DGKG: variants seen among roughly 807,000 people sequenced by gnomAD.
DGKG encodes DAG kinase gamma.
In DGKG, 78 loss-of-function variants were observed where a neutral mutation model predicts 105.3. The ratio of observed to expected loss-of-function variants is 0.74; its 90% CI spans 0.62 to 0.89. DGKG has a LOEUF of 0.89. DGKG is among the 40% of genes least tolerant of loss of function. DGKG has a pLI of 0.00. For synonymous variants in DGKG, 346 were observed against 367.1 expected (o/e 0.94, Z 0.66); for missense variants, 958 against 1,020.1 (o/e 0.94, Z 0.83).
intron 24 of DGKG, chr3:186,161,214 G>C: frequency 1.0e-6 from 1 of 993,572 alleles, no homozygotes; most frequent in Non-Finnish European, 1.2e-6. Flanking sequence ...TCCACGTAAG[G>C]AAGCAATTTG....
intron 22 of DGKG, among the ~76,000 whole-genome samples, chr3:186,177,021 C>CCT (rs1197805054): frequency 6.6e-6 from 1 of 152,174 alleles, no homozygotes; most frequent in African/African-American, 2.4e-5. Flanking sequence ...GTGGCAGTGT[C>CCT]CTCTGTCCAT....
chr3:186,255,247 C>T (rs1277120215), intron 17 of DGKG, among the ~76,000 whole-genome samples: 4 of 152,226 alleles, frequency 2.6e-5, no homozygotes, highest in Non-Finnish European at 5.9e-5. Flanking sequence ...GTGTTAGGTG[C>T]TCCGGCTCTG....
Position 186,240,132 on chromosome 3 carries a change from T to A in DGKG, c.1826+2372A>T, listed in dbSNP as rs76899826. On this transcript the variant is annotated intron_variant, in intron 20 of 24. Coordinates refer to ENST00000265022, the MANE Select transcript of DGKG (RefSeq NM_001346.3). ...ACTGAACATCTTGCTCTTCCACAAG[T>A]ATACTGCACCCTCTCACTCCTTCGT... Among the ~76,000 whole-genome samples, 190 of 152,316 alleles carry A rather than the reference T, an allele frequency of 1.2e-3. 1 individual carries two copies. Among genetic ancestry groups the A allele is most frequent in the Middle Eastern group, 3.4e-3 (1 of 294 alleles).
intron 20 of DGKG, among the ~76,000 whole-genome samples, chr3:186,221,624 A>T (rs1392408133): frequency 6.6e-6 from 1 of 152,252 alleles, no homozygotes. Context: ...GCATTTACAC[A>T]TCCATCAGCC....
Position 186,261,718 on chromosome 3 carries a change from C to A in DGKG, c.1330G>T (p.Gly444Ter). 2 of 1,607,708 alleles carry A rather than the reference C, an allele frequency of 1.2e-6. No individual in the cohort carries two copies. Residue 444 changes from glycine to a stop codon, truncating the protein, a stop_gained, in exon 15 of 25, where the codon GGA becomes TGA. Transcript: ENST00000265022. LOFTEE classifies it high-confidence loss of function. The part of the protein sequence containing the change: ...PLLVLVNPKS[G>*]GRQGERILRK... Reference sequence around the variant, plus strand: ...ACGTACCTTTCTCCTTGTCTCCCTCCACTCTTGGGGTTCACCAAGACCAGC... The same window carrying A: ...ACGTACCTTTCTCCTTGTCTCCCTCAACTCTTGGGGTTCACCAAGACCAGC...
chr3:186,258,082 T>A (rs1019059424), intron 16 of DGKG, 143 bp from the exon 17 acceptor site: 1 of 674,120 alleles, frequency 1.5e-6, no homozygotes, highest in Admixed American at 2.3e-5. Context: ...CACTCAATGT[T>A]CTGAAACCAG....
intron 1 of DGKG, among the ~76,000 whole-genome samples, chr3:186,348,110 T>C (rs1381278809): frequency 6.6e-6 from 1 of 152,194 alleles, no homozygotes; most frequent in Non-Finnish European, 1.5e-5. Context: ...TCTGAGTTTT[T>C]AGCCCCACAT....
chr3:186,152,067 A>G lies in DGKG; in HGVS notation c.2278-1879T>C, dbSNP rs578048814. Among the ~76,000 whole-genome samples, 10 of 151,990 alleles carry G rather than the reference A, an allele frequency of 6.6e-5. 1 individual carries two copies. The South Asian group carries it at 8.3e-4, about 13-fold the overall frequency. ...GCACTCCAGCCTGTGCGACAGAGAG[A>G]GACTCCATCTCAAAAAAATAAAATA... On this transcript the variant is annotated intron_variant, in intron 24 of 24. Coordinates refer to ENST00000265022, the MANE Select transcript of DGKG (RefSeq NM_001346.3).
intron 22 of DGKG, among the ~76,000 whole-genome samples, chr3:186,173,023 C>A (rs941039366): frequency 6.6e-6 from 1 of 152,228 alleles, no homozygotes; most frequent in Non-Finnish European, 1.5e-5. Context: ...CAGCTGGCTG[C>A]CCTCTGGCTG....
At chr3:186,228,239 C>G (rs1221170941) in intron 20 of DGKG, among the ~76,000 whole-genome samples, 1 of 152,164 alleles carries the variant, frequency 6.6e-6, no homozygotes, top group Admixed American at 6.5e-5. Flanking sequence ...CTGATGTGTA[C>G]TGACTCCTCC....
chr3:186,148,138 A>C lies in DGKG; in HGVS notation c.*1952T>G. The C allele has an allele frequency of 1.0e-6, 1 of 985,458 alleles. No homozygotes were observed. Among genetic ancestry groups the C allele is most frequent in the Non-Finnish European group, 1.2e-6 (1 of 829,956 alleles). 61.0% of individuals were successfully genotyped at this position (985,458 alleles called of 1,614,324 possible). A position where few individuals can be genotyped will look rare whatever the true frequency, so the allele number is the denominator to read the frequency against. ...TTCCACTGATAAATCTCAGAGAGGG[A>C]TGGAGGCCCAATGAAGCTCTGCATG... On this transcript the variant is annotated 3_prime_UTR_variant, in exon 25 of 25. Coordinates refer to ENST00000265022, the MANE Select transcript of DGKG (RefSeq NM_001346.3).
intron 22 of DGKG, among the ~76,000 whole-genome samples, chr3:186,167,925 T>C (rs1393640695): frequency 2.0e-5 from 3 of 152,152 alleles, no homozygotes; most frequent in Non-Finnish European, 4.4e-5. Flanking sequence ...GTGTAGAAAA[T>C]GCTGCAATTG....
rs1727211343 is a variant in DGKG, at chr3:186,361,129, A to G, written c.-249+817T>C. On this transcript the variant is annotated intron_variant, in intron 1 of 24. Transcript: ENST00000265022. The surrounding 1 kb of genome is among the most constrained non-coding windows in gnomAD (Gnocchi z 6.8). ...TCCCTCCCATCTGGGAGGTGGTTCT[A>G]GCTCTAGTCCCAAGCTTTCCACTGC... 6.6e-6 allele frequency among the ~76,000 whole-genome samples: 1 copy of G among 152,178 alleles called. No individual in the cohort carries two copies. The highest frequency in any genetic ancestry group is 1.5e-5 in the Non-Finnish European group (1 of 68,016).
chr3:186,295,980 A>G (rs983837787), intron 5 of DGKG, among the ~76,000 whole-genome samples: 1 of 151,894 alleles, frequency 6.6e-6, no homozygotes, highest in African/African-American at 2.4e-5. Context: ...GTGGCAGCAC[A>G]CTCTTGTAAT....
intron 1 of DGKG, 59 bp from the exon 2 acceptor site, chr3:186,320,766 T>C: frequency 3.5e-6 from 1 of 286,386 alleles, no homozygotes; most frequent in Non-Finnish European, 6.4e-6. Context: ...AGGCCCCAAA[T>C]GTTCTTTGCT....
chr3:186,261,829 C>A, intron 14 of DGKG, 51 bp from the exon 15 acceptor site: 1 of 1,217,618 alleles, frequency 8.2e-7, no homozygotes, highest in Non-Finnish European at 1.2e-6. Context: ...CAATAGGGGG[C>A]GTGAGATGAG....
rs765219529 is a variant in DGKG at position 186,284,723 on chromosome 3, AGAGGTAAGCCTT to A, written c.545-26_545-15del. On this transcript the variant is annotated splice_polypyrimidine_tract_variant and intron_variant, in intron 6 of 24. Transcript: ENST00000265022. This position sits in a 1 kb window ranked among gnomAD's most constrained non-coding sequence, Gnocchi z 4.0. Reference sequence around the variant, plus strand: ...GGCGAAACATGACTGTAAGAAACACAGAGGTAAGCCTTGAGGTGTCCTCTAAGAAGCGCGGAT... The same window carrying A: ...GGCGAAACATGACTGTAAGAAACACAGAGGTGTCCTCTAAGAAGCGCGGAT... 1 of 1,613,488 alleles carries A rather than the reference AGAGGTAAGCCTT, an allele frequency of 6.2e-7. No homozygotes were observed. Among genetic ancestry groups the A allele is most frequent in the Admixed American group, 1.7e-5 (1 of 60,016 alleles).
At chr3:186,312,406 A>G (rs1724598378) in intron 2 of DGKG, among the ~76,000 whole-genome samples, 2 of 152,242 alleles carry the variant, frequency 1.3e-5, no homozygotes, top group Middle Eastern at 3.4e-3. Flanking sequence ...CTACATTCTG[A>G]ATAAGATCCT....
chr3:186,160,699 C>G, intron 24 of DGKG: 4 of 985,414 alleles, frequency 4.1e-6, no homozygotes, highest in Non-Finnish European at 4.8e-6. Context: ...CCACTTTTGT[C>G]TTTTGAAATT....
Sources: allele counts gnomAD v4.1 joint callset (sites outside exome capture counted in the v4.1 genomes callset), GRCh38; gene constraint gnomAD v4.1.1; non-coding constraint Gnocchi (gnomAD v3.1); transcripts MANE v1.5; gene names NCBI Gene and HGNC (gene_info 2026-07-23, HGNC 2026-07-21).